The following RASGEF1C variants were observed in gnomAD, a reference collection of about 807,000 sequenced individuals.
RASGEF1C encodes the protein RasGEF domain family member 1C, also known as ras-GEF domain-containing family member 1C.
RASGEF1C carries 27 observed loss-of-function variants against 58.1 expected under a neutral mutation model. The observed-to-expected ratio is 0.46, with a 90% CI of 0.34 to 0.64. The LOEUF is 0.64. Among genes scored for constraint, RASGEF1C ranks in the 30% least tolerant of loss-of-function variants. RASGEF1C has a pLI of 0.01. For synonymous variants in RASGEF1C, 243 were observed against 246.3 expected, an observed-to-expected ratio of 0.99 and a Z score of 0.13; for missense variants, 502 against 605.1, an observed-to-expected ratio of 0.83 and a Z score of 1.79.
intron 1 of RASGEF1C, among the ~76,000 whole-genome samples, chr5:180,184,546 C>T (rs1755992853): frequency 6.6e-6 from 1 of 152,134 alleles, no homozygotes; most frequent in South Asian, 2.1e-4. Flanking sequence ...CACTGCACTC[C>T]AGCCTGAGTG....
intron 1 of RASGEF1C, among the ~76,000 whole-genome samples, chr5:180,173,888 G>A (rs1362022916): frequency 1.4e-5 from 2 of 145,726 alleles, no homozygotes; most frequent in Non-Finnish European, 3.0e-5. Context: ...ACTCCAGCCT[G>A]GGCAACAGAG....
At chr5:180,109,182 C>T (rs965937499) in intron 12 of RASGEF1C, among the ~76,000 whole-genome samples, 1 of 152,144 alleles carries the variant, frequency 6.6e-6, no homozygotes, top group African/African-American at 2.4e-5. Context: ...TAGGGCCAGG[C>T]GTGGTGGCTC....
Position 180,111,549 on chromosome 5 carries a change from T to G in RASGEF1C, c.1211A>C (p.Glu404Ala), listed in dbSNP as rs544075568. The G allele has an allele frequency of 6.2e-7, 1 of 1,614,020 alleles. No homozygotes were observed. Among genetic ancestry groups the G allele is most frequent in the Admixed American group, 1.7e-5 (1 of 60,024 alleles). The part of the protein sequence containing the change: ...KFLELAKQVG[E>A]FITWKQVECP... ...CTCCACTTGTTTCCAGGTGATGAAC[T>G]CCCCCACCTGCTTGGCCAGCTCCAG... The change falls in exon 12 of 14, where the codon GAG becomes GCG. Residue 404 changes from glutamate (E) to alanine (A), a missense_variant. Transcript: ENST00000361132.
At position 180,178,934 on chromosome 5, in the gene RASGEF1C, C is replaced by T. The variant is rs560541795; in HGVS notation, c.-7+30094G>A. Among the ~76,000 whole-genome samples, 371 of 152,016 alleles carry T rather than the reference C, an allele frequency of 2.4e-3. 1 individual carries two copies. Among genetic ancestry groups the T allele is most frequent in the African/African-American group, 7.9e-3 (327 of 41,454 alleles). On this transcript the variant is annotated intron_variant, in intron 1 of 13. Coordinates refer to ENST00000361132, the MANE Select transcript of RASGEF1C (RefSeq NM_175062.4). ...GGGGAGGGGCGCAGGTGCCAAGGAG[C>T]GGAGTGGGGAGGAAGCCAAGGACAG...
At chr5:180,136,312 C>T (rs1766471368) in intron 4 of RASGEF1C, 66 bp downstream of exon 4, 12 of 1,482,840 alleles carry the variant, frequency 8.1e-6, no homozygotes, top group African/African-American at 1.4e-5. Context: ...GGGTGCGGGC[C>T]GGGAACAGGC....
intron 12 of RASGEF1C, 127 bp from the exon 13 acceptor site, chr5:180,102,270 C>G (rs2113230800): frequency 1.6e-6 from 1 of 637,934 alleles, no homozygotes; most frequent in South Asian, 1.8e-5. Flanking sequence ...TGTGTCCATC[C>G]CTCCCCTAAT....
intron 4 of RASGEF1C, 58 bp from the exon 5 acceptor site, chr5:180,128,668 C>T: frequency 1.3e-6 from 2 of 1,547,214 alleles, no homozygotes; most frequent in Non-Finnish European, 1.8e-6. Flanking sequence ...ATCTCTAACA[C>T]TGGAACCAGG....
chr5:180,105,085 G>A (rs1765854542), intron 12 of RASGEF1C, among the ~76,000 whole-genome samples: 1 of 152,196 alleles, frequency 6.6e-6, no homozygotes, highest in South Asian at 2.1e-4. Context: ...TGCAGTTTGA[G>A]ATGCAACAGC....
chr5:180,139,752 G>A (rs1300507586), intron 1 of RASGEF1C, among the ~76,000 whole-genome samples: 1 of 152,246 alleles, frequency 6.6e-6, no homozygotes, highest in Non-Finnish European at 1.5e-5. Context: ...ATGCTCAGTG[G>A]GAGGGGGACA....
chr5:180,205,376 A>G (rs62406980), intron 1 of RASGEF1C, among the ~76,000 whole-genome samples: 38,583 of 152,100 alleles, frequency 0.25, 6,001 homozygotes, highest in Non-Finnish European at 0.35. Flanking sequence ...AATAAACTTC[A>G]TAAGAAATAG....
intron 1 of RASGEF1C, among the ~76,000 whole-genome samples, chr5:180,180,992 G>A (rs1436797868): frequency 6.6e-6 from 1 of 152,224 alleles, no homozygotes; most frequent in East Asian, 1.9e-4. Flanking sequence ...TCACCACGCA[G>A]GGCACTATCA....
At chr5:180,189,687 C>T in intron 1 of RASGEF1C, among the ~76,000 whole-genome samples, 1 of 152,016 alleles carries the variant, frequency 6.6e-6, no homozygotes, top group East Asian at 1.9e-4. Context: ...TTTGGGAGGC[C>T]AAGGCAGGTG....
intron 4 of RASGEF1C, 50 bp from the exon 5 acceptor site, chr5:180,128,660 C>T (rs1766307749): frequency 1.3e-6 from 2 of 1,565,382 alleles, no homozygotes; most frequent in Admixed American, 3.5e-5. Flanking sequence ...ATCTCTGCAT[C>T]TCTAACACTG....
intron 6 of RASGEF1C, among the ~76,000 whole-genome samples, chr5:180,125,583 G>C (rs993304948): frequency 1.3e-5 from 2 of 152,092 alleles, no homozygotes; most frequent in African/African-American, 2.4e-5. Flanking sequence ...GGGAGTTCGA[G>C]ACCAGCCTGA....
intron 6 of RASGEF1C, among the ~76,000 whole-genome samples, chr5:180,124,534 TA>T (rs1281814451): frequency 6.6e-6 from 1 of 152,124 alleles, no homozygotes; most frequent in Non-Finnish European, 1.5e-5. Flanking sequence ...CAACATTGAT[TA>T]AAAAAACAGC....
At chr5:180,190,751 T>C (rs78314756) in intron 1 of RASGEF1C, among the ~76,000 whole-genome samples, 22,394 of 151,980 alleles carry the variant, frequency 0.15, 1,889 homozygotes, top group Non-Finnish European at 0.2. Flanking sequence ...GAATAAAATG[T>C]AGGAGAAAAT....
At chr5:180,207,220 A>G (rs1756504241) in intron 1 of RASGEF1C, among the ~76,000 whole-genome samples, 1 of 152,204 alleles carries the variant, frequency 6.6e-6, no homozygotes, top group Non-Finnish European at 1.5e-5. Context: ...GTCATTCTGA[A>G]ACTCTTTCGG....
At chr5:180,181,074 G>A (rs1767316530) in intron 1 of RASGEF1C, among the ~76,000 whole-genome samples, 2 of 152,194 alleles carry the variant, frequency 1.3e-5, no homozygotes, top group Non-Finnish European at 2.9e-5. Context: ...GGAGCAAGAG[G>A]ACGAACAGGA....
At chr5:180,146,958 A>G (rs540166814) in intron 1 of RASGEF1C, among the ~76,000 whole-genome samples, 14 of 152,266 alleles carry the variant, frequency 9.2e-5, no homozygotes, top group African/African-American at 3.4e-4. Flanking sequence ...TTGTTGTTGG[A>G]AGGCTTTTAA....
Sources: gnomAD v4.1 joint callset for allele counts (sites outside exome capture counted in the v4.1 genomes callset) on GRCh38, gnomAD v4.1.1 for gene constraint, MANE v1.5 for transcripts, NCBI Gene and HGNC (gene_info 2026-07-23, HGNC 2026-07-21) for gene names.